The following IGSF10 variants were observed in gnomAD, a reference collection of about 807,000 sequenced individuals.
The protein encoded by IGSF10 is immunoglobulin superfamily member 10.
In IGSF10, 126 loss-of-function variants were observed where a neutral mutation model predicts 128.2. That is an observed-to-expected ratio of 0.98 (90% confidence interval 0.85 to 1.14). The LOEUF is 1.14. Ranked by LOEUF, IGSF10 falls within the 50% of genes most tolerant of loss-of-function variation. The pLI is 0.00. For synonymous variants in IGSF10, 1,185 were observed against 1,146.2 expected, an observed-to-expected ratio of 1.03 and a Z score of -0.68; for missense variants, 3,295 against 3,149.8, an observed-to-expected ratio of 1.05 and a Z score of -1.10.
chr3:151,543,704 CT>C, the IGSF10 span, among the ~76,000 whole-genome samples: 2 of 152,184 alleles, frequency 1.3e-5, no homozygotes, highest in Non-Finnish European at 2.9e-5. Context: ...CAAGTATGAA[CT>C]TACACAAATA....
chr3:151,499,291 A>G, the IGSF10 span, among the ~76,000 whole-genome samples: 3 of 152,166 alleles, frequency 2.0e-5, no homozygotes, highest in African/African-American at 7.2e-5. Flanking sequence ...CCAACAGGGA[A>G]TTGAATGAAA....
the IGSF10 span, among the ~76,000 whole-genome samples, chr3:151,519,662 G>A: frequency 2.0e-4 from 30 of 151,726 alleles, no homozygotes; most frequent in Admixed American, 7.2e-4. Flanking sequence ...TTTTCTTTGA[G>A]GTATATAGTG....
At chr3:151,468,189 G>A in the IGSF10 span, among the ~76,000 whole-genome samples, 3 of 152,182 alleles carry the variant, frequency 2.0e-5, no homozygotes, top group East Asian at 3.8e-4. Flanking sequence ...AGCTTGGATG[G>A]GAAGTTACAG....
the IGSF10 span, among the ~76,000 whole-genome samples, chr3:151,536,336 G>A: frequency 2.0e-5 from 3 of 152,186 alleles, no homozygotes; most frequent in Non-Finnish European, 4.4e-5. Context: ...CGAGGGCAGA[G>A]AGGGTGACCC....
At chr3:151,587,117 A>T in the IGSF10 span, among the ~76,000 whole-genome samples, 1 of 152,194 alleles carries the variant, frequency 6.6e-6, no homozygotes, top group Non-Finnish European at 1.5e-5. Context: ...AAACCTCACA[A>T]CTTATGGCAA....
the IGSF10 span, among the ~76,000 whole-genome samples, chr3:151,576,145 C>G: frequency 6.6e-6 from 1 of 151,576 alleles, no homozygotes; most frequent in Non-Finnish European, 1.5e-5. Flanking sequence ...CTTCCAGTTT[C>G]TGCTATATCA....
rs376916386 is a variant in IGSF10 at position 151,445,472 on chromosome 3, G to A, written c.4509C>T (p.Val1503=). The A allele has an allele frequency of 1.5e-4, 240 of 1,614,006 alleles. No individual in the cohort carries two copies. Among genetic ancestry groups the A allele is most frequent in the Non-Finnish European group, 2.0e-4 (238 of 1,180,024 alleles). Residue 1503 remains valine, a synonymous_variant, in exon 6 of 8, where the codon GTC becomes GTT. Coordinates refer to ENST00000282466, the MANE Select transcript of IGSF10 (RefSeq NM_178822.5). ...TGTGCCTTGAGGATTCGTGCAGCTT[G>A]ACCACTGTATTTGTCATAAGCCCGG... ...PISGLMTNTV[V]KLHESSRHNA...
chr3:151,453,586 A>T lies in IGSF10; in HGVS notation c.513T>A (p.Asp171Glu). Reference protein sequence around the residue: ...EGNQLTKLHPDTFVSLSYLQI... With the variant: ...EGNQLTKLHPETFVSLSYLQI... ...GGAGGTAGCTCAAAGAGACAAATGT[A>T]TCTGGGTGGAGCTTAGTGAGCTGAT... The change falls in exon 5 of 8, where the codon GAT becomes GAA. Residue 171 changes from aspartate (D) to glutamate (E), a missense_variant. Physicochemically the swap from Asp to Glu is conservative, Grantham distance 45 (BLOSUM62 2). Coordinates refer to ENST00000282466, the MANE Select transcript of IGSF10 (RefSeq NM_178822.5). 2 of 1,613,916 alleles carry T rather than the reference A, an allele frequency of 1.2e-6. No homozygotes were observed. Among genetic ancestry groups the T allele is most frequent in the Non-Finnish European group, 1.7e-6 (2 of 1,179,766 alleles).
chr3:151,497,653 ATG>A, the IGSF10 span, among the ~76,000 whole-genome samples: 3 of 152,132 alleles, frequency 2.0e-5, no homozygotes, highest in African/African-American at 7.2e-5. Context: ...TGACTTGGTG[ATG>A]TGGGTTCTTT....
the IGSF10 span, among the ~76,000 whole-genome samples, chr3:151,618,195 G>C: frequency 1.3e-5 from 2 of 152,122 alleles, no homozygotes; most frequent in Non-Finnish European, 2.9e-5. Context: ...GATACAGCAA[G>C]ATGTTGGCCA....
intron 2 of IGSF10, among the ~76,000 whole-genome samples, chr3:151,459,206 T>C (rs1301638803): frequency 6.6e-6 from 1 of 152,168 alleles, no homozygotes; most frequent in Non-Finnish European, 1.5e-5. Context: ...TCCTTAAACA[T>C]GTTGTTGTAT....
the IGSF10 span, among the ~76,000 whole-genome samples, chr3:151,571,170 C>T: frequency 6.6e-6 from 1 of 152,130 alleles, no homozygotes; most frequent in South Asian, 2.1e-4. Context: ...AGCGTGATGC[C>T]TCCAGCTTTG....
chr3:151,503,977 A>G, the IGSF10 span, among the ~76,000 whole-genome samples: 15 of 152,232 alleles, frequency 9.9e-5, no homozygotes, highest in East Asian at 2.9e-3. Context: ...AAATATATCA[A>G]ACACCAACCT....
chr3:151,596,489 T>G, the IGSF10 span, among the ~76,000 whole-genome samples: 3 of 152,156 alleles, frequency 2.0e-5, no homozygotes, highest in African/African-American at 7.2e-5. Flanking sequence ...TGTGTGTGTG[T>G]GTGTGTGTAT....
the IGSF10 span, among the ~76,000 whole-genome samples, chr3:151,612,728 A>G: frequency 6.6e-6 from 1 of 152,190 alleles, no homozygotes; most frequent in Non-Finnish European, 1.5e-5. Context: ...TTAAGCTATC[A>G]GATAAAGACC....
In IGSF10 at chr3:151,437,770, T is replaced by C. The variant is rs1204847665; in HGVS notation, c.6791A>G (p.Glu2264Gly). The change falls in exon 8 of 8, where the codon GAA (glutamate) becomes GGA (glycine). Residue 2264 changes from glutamate (E) to glycine (G), a missense_variant. Coordinates refer to ENST00000282466, the MANE Select transcript of IGSF10 (RefSeq NM_178822.5). ...HSKKHFDCRAEGTPSPEVMWI... is the reference protein window; with the variant it reads ...HSKKHFDCRAGGTPSPEVMWI... ...CATGACTTCAGGAGATGGTGTCCCT[T>C]CAGCTCTGCAGTCAAAGTGTTTTTT... 3 of 1,613,840 alleles carry C rather than the reference T, an allele frequency of 1.9e-6. No individual in the cohort carries two copies. In the African/African-American group the frequency reaches 4.0e-5, roughly 22 times the overall value.
chr3:151,530,065 C>A, the IGSF10 span, among the ~76,000 whole-genome samples: 1 of 151,476 alleles, frequency 6.6e-6, no homozygotes, highest in African/African-American at 2.4e-5. Flanking sequence ...ATGAAGCATA[C>A]ACAAGTATCA....
At chr3:151,593,847 T>G in the IGSF10 span, among the ~76,000 whole-genome samples, 3 of 152,092 alleles carry the variant, frequency 2.0e-5, no homozygotes, top group Admixed American at 6.5e-5. Flanking sequence ...TTAATAAATT[T>G]GATTTTATTG....
chr3:151,484,509 C>T, the IGSF10 span, among the ~76,000 whole-genome samples: 1 of 152,116 alleles, frequency 6.6e-6, no homozygotes, highest in Non-Finnish European at 1.5e-5. Flanking sequence ...GACTGGGAGA[C>T]ACCTCCCAGT....
Sources: allele counts gnomAD v4.1 joint callset (sites outside exome capture counted in the v4.1 genomes callset), GRCh38; gene constraint gnomAD v4.1.1; transcripts MANE v1.5; gene names NCBI Gene and HGNC (gene_info 2026-07-23, HGNC 2026-07-21).